Variants in ZNF92 observed in about 807,000 individuals in gnomAD.
ZNF92 encodes the protein zinc finger protein 92.
A neutral mutation model predicts 12.4 loss-of-function variants in ZNF92; 11 were observed. The observed-to-expected ratio is 0.89, with a 90% confidence interval of 0.56 to 1.47. The LOEUF is 1.47. Among genes scored for constraint, ZNF92 ranks in the 40% most tolerant of loss-of-function variants. ZNF92 has a pLI of 0.00. For missense variants in ZNF92, 622 were observed against 681.0 expected (o/e 0.91, Z 0.96); for synonymous variants, 206 against 228.6 (o/e 0.90, Z 0.89).
chr7:65,374,053 C>T (rs898392460), intron 1 of ZNF92, 53 bp downstream of exon 1: 1 of 1,612,646 alleles, frequency 6.2e-7, no homozygotes, highest in African/African-American at 1.3e-5. Context: ...TGGCTGGAAC[C>T]GATTGGAAGT....
Position 65,399,075 on chromosome 7 carries a change from G to T in ZNF92, c.961G>T (p.Ala321Ser), listed in dbSNP as rs1298058218. 3.1e-6 allele frequency: 5 copies of T among 1,613,102 alleles called. No homozygotes were observed. Among genetic ancestry groups the T allele is most frequent in the Non-Finnish European group, 4.2e-6 (5 of 1,179,650 alleles). ...CTACAAATGTGAAGAATGTGGCAAA[G>T]CCTTTAGAGTATTCTCAATTCTTAA... is the stretch of plus-strand genomic sequence containing the variant. ...KPYKCEECGK[A>S]FRVFSILKKH... The change falls in exon 4 of 4, where the codon GCC becomes TCC. Residue 321 changes from alanine (A) to serine (S), a missense_variant. Ala to Ser is a moderately conservative substitution (Grantham distance 99, BLOSUM62 1). Transcript: ENST00000328747.
intron 1 of ZNF92, among the ~76,000 whole-genome samples, chr7:65,384,907 T>C (rs1006293794): frequency 1.3e-5 from 2 of 152,200 alleles, no homozygotes; most frequent in Non-Finnish European, 2.9e-5. Context: ...TAATAAACAT[T>C]GCATTAGTGC....
intron 1 of ZNF92, among the ~76,000 whole-genome samples, chr7:65,383,932 G>A (rs7777155): frequency 0.27 from 40,418 of 151,982 alleles, 6,871 homozygotes; most frequent in African/African-American, 0.45. Context: ...GTGTTAGGCT[G>A]ACAAGAGTGG....
intron 1 of ZNF92, among the ~76,000 whole-genome samples, chr7:65,377,669 T>C (rs58047181): frequency 0.28 from 42,151 of 151,746 alleles, 7,685 homozygotes; most frequent in African/African-American, 0.49. Context: ...CGGGTTCAAG[T>C]GATTCTCCTG....
intron 3 of ZNF92, among the ~76,000 whole-genome samples, chr7:65,396,358 G>C (rs1457955871): frequency 6.6e-6 from 1 of 151,284 alleles, no homozygotes; most frequent in Non-Finnish European, 1.5e-5. Flanking sequence ...TTTATTTTTT[G>C]TTTTGCATAG....
chr7:65,373,893 C>A lies in ZNF92; in HGVS notation c.-105C>A, dbSNP rs987593000. The stretch of plus-strand genomic sequence containing the variant: ...GCCGGCGCTCCACGTCTAGTCTTCA[C>A]TGCTCTGCGTCCTGTGCTGATAAAG... On this transcript the variant is annotated 5_prime_UTR_variant, in exon 1 of 4. It adds an upstream start codon to the 5' untranslated region. Transcript: ENST00000328747. 1.3e-6 allele frequency: 2 copies of A among 1,524,750 alleles called. No individual in the cohort carries two copies. Among genetic ancestry groups the A allele is most frequent in the African/African-American group, 1.4e-5 (1 of 73,184 alleles). 94.5% of individuals were successfully genotyped at this position (1,524,750 alleles called of 1,614,324 possible).
intron 3 of ZNF92, among the ~76,000 whole-genome samples, chr7:65,396,610 C>T (rs1793852495): frequency 6.6e-6 from 1 of 151,920 alleles, no homozygotes; most frequent in South Asian, 2.1e-4. Flanking sequence ...TAATAGAGAG[C>T]TTTATATTTA....
Position 65,399,662 on chromosome 7 carries a change from T to C in ZNF92, c.1548T>C (p.Asn516=), listed in dbSNP as rs751347928. 5.0e-6 allele frequency: 8 copies of C among 1,612,758 alleles called. No homozygotes were observed. In the Admixed American group the frequency reaches 1.2e-4, roughly 24 times the overall value. The change falls in exon 4 of 4, where the codon AAT becomes AAC. Residue 516 remains asparagine, a synonymous_variant. Transcript: ENST00000328747. The stretch of plus-strand genomic sequence containing the variant: ...CCTACAAATGTGAAAAATGTGGCAA[T>C]GCTTTTAACCAGTCCTCAAACCTTA... The part of the protein sequence containing the change: ...GKSYKCEKCG[N]AFNQSSNLTA...
chr7:65,378,805 AG>A (rs1793325048), intron 1 of ZNF92, among the ~76,000 whole-genome samples: 1 of 152,128 alleles, frequency 6.6e-6, no homozygotes, highest in Non-Finnish European at 1.5e-5. Flanking sequence ...TTTTTAAATG[AG>A]AAAAATAAAA....
In ZNF92 at chr7:65,399,427, C is replaced by T. The variant is rs1219477586; in HGVS notation, c.1313C>T (p.Ser438Leu). The change falls in exon 4 of 4, where the codon TCA (serine) becomes TTA (leucine). Residue 438 changes from serine (S) to leucine (L), a missense_variant. By Grantham distance (145) the Ser-to-Leu change is moderately radical. Transcript: ENST00000328747. Reference sequence around the variant, plus strand: ...TGTGGCAAGGCCTTTAGCTGGTCCTCAGCTTTTACTAAACATAAGAGAAAT... The same window carrying T: ...TGTGGCAAGGCCTTTAGCTGGTCCTTAGCTTTTACTAAACATAAGAGAAAT... ...EKCGKAFSWS[S>L]AFTKHKRNHM... The T allele has an allele frequency of 6.2e-7, 1 of 1,613,606 alleles. No individual in the cohort carries two copies. Among genetic ancestry groups the T allele is most frequent in the African/African-American group, 1.3e-5 (1 of 74,950 alleles).
At chr7:65,397,383 G>A (rs1044614650) in intron 3 of ZNF92, among the ~76,000 whole-genome samples, 1 of 148,704 alleles carries the variant, frequency 6.7e-6, no homozygotes, top group African/African-American at 2.4e-5. Context: ...AGGGGGTGTC[G>A]ATATTTTGAA....
At chr7:65,388,718 C>A in intron 2 of ZNF92, 88 bp from the exon 3 acceptor site, 2 of 987,352 alleles carry the variant, frequency 2.0e-6, no homozygotes, top group Non-Finnish European at 2.9e-6. Context: ...CTAGATTAAT[C>A]TATTGCATCC....
intron 1 of ZNF92, among the ~76,000 whole-genome samples, chr7:65,385,435 A>G (rs1463477844): frequency 1.3e-5 from 2 of 152,236 alleles, no homozygotes; most frequent in East Asian, 3.9e-4. Context: ...GGCCAGAATC[A>G]AGTATGAGGG....
chr7:65,380,100 A>G (rs1019166227), intron 1 of ZNF92, among the ~76,000 whole-genome samples: 2 of 151,978 alleles, frequency 1.3e-5, no homozygotes, highest in African/African-American at 4.8e-5. Context: ...GCTCTTATAA[A>G]TGATAGCATG....
Position 65,399,195 on chromosome 7 carries a change from A to T in ZNF92, c.1081A>T (p.Ile361Leu). 6.2e-7 allele frequency: 1 copy of T among 1,613,394 alleles called. No homozygotes were observed. The highest frequency in any genetic ancestry group is 8.5e-7 in the Non-Finnish European group (1 of 1,179,738). The part of the protein sequence containing the change: ...NQFSNLTKHK[I>L]IHTGEKPYKC... ...GTTCTCAAACCTTACTAAACATAAG[A>T]TAATTCATACTGGAGAGAAACCCTA... Residue 361 changes from isoleucine to leucine, a missense_variant, in exon 4 of 4, where the codon ATA becomes TTA. By Grantham distance (5) the Ile-to-Leu change is conservative (BLOSUM62 2). Coordinates refer to ENST00000328747, the MANE Select transcript of ZNF92 (RefSeq NM_152626.4).
chr7:65,391,320 A>C (rs66850314), intron 3 of ZNF92, among the ~76,000 whole-genome samples: 42,239 of 151,826 alleles, frequency 0.28, 7,704 homozygotes, highest in African/African-American at 0.49. Context: ...AAATAAGGCA[A>C]CTTTTATTGT....
intron 3 of ZNF92, among the ~76,000 whole-genome samples, chr7:65,389,820 A>AT (rs1793664406): frequency 6.6e-6 from 1 of 151,456 alleles, no homozygotes; most frequent in Admixed American, 6.6e-5. Context: ...TAGCCCAGAA[A>AT]TTTATTATTA....
chr7:65,378,682 C>G (rs566841154), intron 1 of ZNF92, among the ~76,000 whole-genome samples: 1 of 150,784 alleles, frequency 6.6e-6, no homozygotes, highest in Non-Finnish European at 1.5e-5. Flanking sequence ...GCAGAGCTTG[C>G]GGTGAGCCGA....
rs1391901562 is a variant in ZNF92, at chr7:65,399,581, C to T, written c.1467C>T (p.Ala489=). The change falls in exon 4 of 4, where the codon GCC becomes GCT. Residue 489 remains alanine, a synonymous_variant. Transcript: ENST00000328747. ...KPYKCEECGK[A]FNQSSIFTKH... ...ACAAATGTGAAGAATGTGGCAAAGC[C>T]TTTAACCAGTCCTCAATTTTTACTA... is the stretch of plus-strand genomic sequence containing the variant. 1 of 1,613,550 alleles carries T rather than the reference C, an allele frequency of 6.2e-7. No homozygotes were observed. Among genetic ancestry groups the T allele is most frequent in the Non-Finnish European group, 8.5e-7 (1 of 1,179,762 alleles).
Sources: gnomAD v4.1 joint callset for allele counts (sites outside exome capture counted in the v4.1 genomes callset) on GRCh38, gnomAD v4.1.1 for gene constraint, MANE v1.5 for transcripts, NCBI Gene and HGNC (gene_info 2026-07-23, HGNC 2026-07-21) for gene names.